The following PCDHA8 variants were observed in gnomAD, a reference collection of about 807,000 sequenced individuals.
PCDHA8 encodes protocadherin alpha 8, also known as protocadherin alpha-8.
PCDHA8 carries 53 observed loss-of-function variants against 61.8 expected under a neutral mutation model. That is an observed-to-expected ratio of 0.86 (90% CI 0.69 to 1.08). The LOEUF is 1.08. Ranked by LOEUF, PCDHA8 falls within the 50% of genes least tolerant of loss-of-function variation. The pLI is 0.00. For missense variants in PCDHA8, 1,293 were observed against 1,245.0 expected (o/e 1.04, Z -0.58); for synonymous variants, 618 against 556.6 (o/e 1.11, Z -1.55).
chr5:140,936,834 T>TA (rs1554211213), intron 1 of PCDHA8, among the ~76,000 whole-genome samples: 1 of 152,210 alleles, frequency 6.6e-6, no homozygotes, highest in African/African-American at 2.4e-5. Context: ...CATTTCTATA[T>TA]AAATTGTAGA....
intron 1 of PCDHA8, chr5:140,853,694 G>A (rs1425849966): frequency 1.0e-6 from 1 of 988,064 alleles, no homozygotes; most frequent in African/African-American, 1.8e-5. Context: ...CCTTAGACCT[G>A]CTAACGCATT....
At chr5:140,968,332 C>T (rs2096240603) in intron 1 of PCDHA8, 2 of 1,614,158 alleles carry the variant, frequency 1.2e-6, no homozygotes, top group Non-Finnish European at 1.7e-6. Flanking sequence ...CCTCCTATGT[C>T]TCCATTAACA....
intron 1 of PCDHA8, chr5:140,848,846 C>G: frequency 6.3e-7 from 1 of 1,590,530 alleles, no homozygotes; most frequent in Non-Finnish European, 8.6e-7. Flanking sequence ...TGCAGGTTTT[C>G]CATGTGGACG....
chr5:140,997,559 T>A (rs550494855), intron 3 of PCDHA8, among the ~76,000 whole-genome samples: 2 of 152,148 alleles, frequency 1.3e-5, no homozygotes, highest in South Asian at 4.1e-4. Flanking sequence ...ACAGGACAAC[T>A]GTCATATGTG....
At chr5:140,927,701 A>G (rs2084527211) in intron 1 of PCDHA8, 1 of 1,614,052 alleles carries the variant, frequency 6.2e-7, no homozygotes, top group South Asian at 1.1e-5. Context: ...GAAGTCCAGT[A>G]CTCCCTAAGC....
intron 1 of PCDHA8, among the ~76,000 whole-genome samples, chr5:140,911,819 A>C (rs2075652599): frequency 6.6e-6 from 1 of 152,164 alleles, no homozygotes; most frequent in Admixed American, 6.6e-5. Context: ...CTTCTCCAGA[A>C]ACCCCAAAAC....
intron 1 of PCDHA8, among the ~76,000 whole-genome samples, chr5:140,904,023 A>G (rs2070780912): frequency 1.3e-5 from 2 of 152,198 alleles, no homozygotes; most frequent in Admixed American, 6.5e-5. Flanking sequence ...AAATAATGGT[A>G]TAATTTAACT....
At position 140,884,423 on chromosome 5, in the gene PCDHA8, A is replaced by G. The variant is rs2060160830; in HGVS notation, c.2394+40708A>G. The G allele has an allele frequency of 1.2e-6, 2 of 1,613,932 alleles. No individual in the cohort carries two copies. Among genetic ancestry groups the G allele is most frequent in the African/African-American group, 1.3e-5 (1 of 75,050 alleles). On this transcript the variant is annotated intron_variant, in intron 1 of 3. Coordinates refer to ENST00000531613, the MANE Select transcript of PCDHA8 (RefSeq NM_018911.3). ...GTTGGTGCTCACGTTGCTGCTGTAT[A>G]CTGCGCTGCGGTGCTCGGCACCGCC...
chr5:140,920,955 C>A (rs2079947807), intron 1 of PCDHA8, among the ~76,000 whole-genome samples: 1 of 151,668 alleles, frequency 6.6e-6, no homozygotes, highest in Admixed American at 6.6e-5. Context: ...AAACACTACA[C>A]ATGTAGTACT....
chr5:140,845,157 C>T (rs1273679091), intron 1 of PCDHA8, among the ~76,000 whole-genome samples: 6 of 149,288 alleles, frequency 4.0e-5, no homozygotes, highest in Non-Finnish European at 7.5e-5. Context: ...TGTGTAAAAG[C>T]GAATTGTTTT....
intron 1 of PCDHA8, among the ~76,000 whole-genome samples, chr5:140,937,501 C>T (rs2091550832): frequency 6.6e-6 from 1 of 152,126 alleles, no homozygotes; most frequent in Admixed American, 6.5e-5. Context: ...CCCGTAATCC[C>T]AGCTACTCAG....
intron 1 of PCDHA8, among the ~76,000 whole-genome samples, chr5:140,845,780 T>C (rs1273116464): frequency 6.7e-6 from 1 of 149,642 alleles, no homozygotes; most frequent in Non-Finnish European, 1.5e-5. Context: ...TATAAATTAT[T>C]AATAATAAAC....
At chr5:140,936,552 T>C (rs1408956922) in intron 1 of PCDHA8, among the ~76,000 whole-genome samples, 5 of 152,234 alleles carry the variant, frequency 3.3e-5, no homozygotes, top group Admixed American at 3.3e-4. Flanking sequence ...AATGTAGAAG[T>C]CAAGATTTAT....
chr5:140,895,315 A>C (rs541841623), intron 1 of PCDHA8, among the ~76,000 whole-genome samples: 2 of 152,036 alleles, frequency 1.3e-5, no homozygotes, highest in East Asian at 1.9e-4. Flanking sequence ...TCCACCCATG[A>C]CTATTGTTCT....
In PCDHA8 at chr5:140,841,320, A is replaced by T; in HGVS notation, c.-2A>T. 1 of 1,602,072 alleles carries T rather than the reference A, an allele frequency of 6.2e-7. No individual in the cohort carries two copies. Among genetic ancestry groups the T allele is most frequent in the African/African-American group, 1.3e-5 (1 of 74,376 alleles). ...TTTTCTGATAGGAAACGACTATTTAACATGGATTATCACTGGCGAGGAGAG... is the reference window on the plus strand; with the variant it reads ...TTTTCTGATAGGAAACGACTATTTATCATGGATTATCACTGGCGAGGAGAG... On this transcript the variant is annotated 5_prime_UTR_variant, in exon 1 of 4. Coordinates refer to ENST00000531613, the MANE Select transcript of PCDHA8 (RefSeq NM_018911.3).
Position 140,843,535 on chromosome 5 carries a change from T to G in PCDHA8, c.2214T>G (p.Thr738=), listed in dbSNP as rs1554140200. The change falls in exon 1 of 4, where the codon ACT becomes ACG. Residue 738 remains threonine, a synonymous_variant. Coordinates refer to ENST00000531613, the MANE Select transcript of PCDHA8 (RefSeq NM_018911.3). ...TEGGCRAGKP[T]LVCSSAVGSW... is the part of the protein sequence containing the mutation. ...GCGGGTGCCGGGCGGGCAAGCCCAC[T>G]CTGGTGTGCTCCAGTGCGGTGGGGA... is the stretch of plus-strand genomic sequence containing the variant. The G allele has an allele frequency of 1.9e-6, 3 of 1,595,872 alleles. 1 individual carries two copies. Among genetic ancestry groups the G allele is most frequent in the Non-Finnish European group, 2.6e-6 (3 of 1,165,468 alleles).
Position 140,992,419 on chromosome 5 carries a change from A to C in PCDHA8, c.2542+9856A>C, listed in dbSNP as rs554370784. The stretch of plus-strand genomic sequence containing the variant: ...GAGATATTGTTCTGCCCCAGGTCTA[A>C]GAATATTGTTCCAAGAGTTGGGAGC... On this transcript the variant is annotated intron_variant, in intron 3 of 3. Transcript: ENST00000531613. Among the ~76,000 whole-genome samples the C allele has an allele frequency of 3.3e-5, 5 of 152,318 alleles. No individual in the cohort carries two copies. In the East Asian group the frequency reaches 7.7e-4, roughly 23 times the overall value.
intron 1 of PCDHA8, among the ~76,000 whole-genome samples, chr5:140,975,683 G>A (rs1226769029): frequency 2.0e-5 from 3 of 151,934 alleles, no homozygotes; most frequent in Non-Finnish European, 2.9e-5. Context: ...AATAAAATAG[G>A]GTATTTTAAA....
intron 1 of PCDHA8, chr5:140,877,591 G>GT: frequency 6.2e-7 from 1 of 1,613,852 alleles, no homozygotes; most frequent in Non-Finnish European, 8.5e-7. Context: ...CATCTGTGCG[G>GT]TGTCCAGCCT....
Sources: gnomAD v4.1 joint callset for allele counts (sites outside exome capture counted in the v4.1 genomes callset) on GRCh38, gnomAD v4.1.1 for gene constraint, MANE v1.5 for transcripts, NCBI Gene and HGNC (gene_info 2026-07-23, HGNC 2026-07-21) for gene names.